SOBP: variants seen among roughly 807,000 people sequenced by gnomAD.
The protein encoded by SOBP is sine oculis binding protein homolog.
SOBP carries 4 observed loss-of-function variants against 53.6 expected under a neutral mutation model. The observed-to-expected ratio is 0.07, with a 90% CI of 0.04 to 0.17. The LOEUF is 0.17. Among genes scored for constraint, SOBP ranks in the 10% least tolerant of loss-of-function variants. SOBP has a pLI of 1.00. For missense variants in SOBP, 1,088 were observed against 1,204.7 expected (o/e 0.90, Z 1.43); for synonymous variants, 584 against 522.6 (o/e 1.12, Z -1.60).
chr6:107,589,506 A>G (rs934167555), intron 5 of SOBP, among the ~76,000 whole-genome samples: 1 of 152,232 alleles, frequency 6.6e-6, no homozygotes, highest in African/African-American at 2.4e-5. Flanking sequence ...AAGTGTGTGT[A>G]ATCAGAAGGC....
At chr6:107,548,538 A>G (rs575296842) in intron 4 of SOBP, among the ~76,000 whole-genome samples, 189 of 152,134 alleles carry the variant, frequency 1.2e-3, no homozygotes, top group Non-Finnish European at 2.0e-3. Flanking sequence ...CACCGCGCCC[A>G]GCCAACCTAT....
intron 5 of SOBP, among the ~76,000 whole-genome samples, chr6:107,632,457 CAT>C (rs1770757942): frequency 6.6e-6 from 1 of 152,158 alleles, no homozygotes; most frequent in Admixed American, 6.5e-5. Context: ...CAAGATCACT[CAT>C]ATTAATTCTT....
rs1484777764 is a variant in SOBP at position 107,635,867 on chromosome 6, T to G, written c.*3+398T>G. Among the ~76,000 whole-genome samples the G allele has an allele frequency of 1.3e-5, 2 of 152,150 alleles. No individual in the cohort carries two copies. Among genetic ancestry groups the G allele is most frequent in the East Asian group, 3.9e-4 (2 of 5,194 alleles). ...GAGATTAACTTGGGACACCTAAATGTGTGATCATGAGGTTGCAGGGCAGTG... is the reference window on the plus strand; with the variant it reads ...GAGATTAACTTGGGACACCTAAATGGGTGATCATGAGGTTGCAGGGCAGTG... On this transcript the variant is annotated intron_variant, in intron 6 of 6. Coordinates refer to ENST00000317357, the MANE Select transcript of SOBP (RefSeq NM_018013.4). The surrounding 1 kb of genome is among the most constrained non-coding windows in gnomAD (Gnocchi z 4.5).
intron 1 of SOBP, among the ~76,000 whole-genome samples, chr6:107,497,936 C>A (rs894876049): frequency 1.3e-5 from 2 of 152,168 alleles, no homozygotes; most frequent in African/African-American, 4.8e-5. Flanking sequence ...ATTACTTTTT[C>A]TAACAGTTGT....
At chr6:107,629,812 A>G (rs1371545222) in intron 5 of SOBP, among the ~76,000 whole-genome samples, 1 of 152,238 alleles carries the variant, frequency 6.6e-6, no homozygotes, top group Non-Finnish European at 1.5e-5. Flanking sequence ...AAATGGACTA[A>G]AGGAAATGTT....
chr6:107,506,573 C>CT (rs34474107), intron 3 of SOBP, 146 bp downstream of exon 3: 63,193 of 839,090 alleles, frequency 0.075, 3,992 homozygotes, highest in African/African-American at 0.21. Flanking sequence ...ACAGGCATCA[C>CT]TTAGAGTATT....
chr6:107,596,490 T>C (rs1216077339), intron 5 of SOBP, among the ~76,000 whole-genome samples: 1 of 152,244 alleles, frequency 6.6e-6, no homozygotes, highest in Non-Finnish European at 1.5e-5. Context: ...GAGGTTGGCC[T>C]CTGGCTATCT....
Position 107,655,799 on chromosome 6 carries a change from G to A in SOBP, c.*4-2408G>A, listed in dbSNP as rs898260556. 9.9e-5 allele frequency among the ~76,000 whole-genome samples: 15 copies of A among 152,280 alleles called. 1 individual carries two copies. Among genetic ancestry groups the A allele is most frequent in the Admixed American group, 7.2e-4 (11 of 15,294 alleles). On this transcript the variant is annotated intron_variant, in intron 6 of 6. Transcript: ENST00000317357. ...CCTGGAAATTTTCTTTAAGTAGGCTGATGCTGTCCGTGTTTGGTCTTTGTC... is the reference window on the plus strand; with the variant it reads ...CCTGGAAATTTTCTTTAAGTAGGCTAATGCTGTCCGTGTTTGGTCTTTGTC...
chr6:107,536,192 G>A (rs926860898), intron 4 of SOBP, among the ~76,000 whole-genome samples: 16 of 152,258 alleles, frequency 1.1e-4, no homozygotes, highest in African/African-American at 2.9e-4. Flanking sequence ...ATGACAGCCC[G>A]CTTCTTGCTG....
chr6:107,582,724 A>G (rs1436936213), intron 4 of SOBP, among the ~76,000 whole-genome samples: 1 of 152,184 alleles, frequency 6.6e-6, no homozygotes, highest in Non-Finnish European at 1.5e-5. Flanking sequence ...AATAACACAC[A>G]AGGAGAGAGT....
chr6:107,564,268 A>G (rs1403615314), intron 4 of SOBP, among the ~76,000 whole-genome samples: 1 of 152,170 alleles, frequency 6.6e-6, no homozygotes, highest in African/African-American at 2.4e-5. Flanking sequence ...GTCTCTCTCA[A>G]GAACTCCTCA....
At chr6:107,637,492 A>G (rs748735622) in intron 6 of SOBP, among the ~76,000 whole-genome samples, 2 of 152,230 alleles carry the variant, frequency 1.3e-5, no homozygotes. Context: ...AGATGGCCTC[A>G]GCCTTCTCAC....
intron 5 of SOBP, among the ~76,000 whole-genome samples, chr6:107,591,400 C>A (rs987965649): frequency 6.6e-6 from 1 of 152,134 alleles, no homozygotes; most frequent in Admixed American, 6.5e-5. Context: ...TAGCAAAGTT[C>A]TTGGAGTACA....
Position 107,506,444 on chromosome 6 carries a change from G to A in SOBP, c.421+17G>A, listed in dbSNP as rs372058028. 24 of 1,613,202 alleles carry A rather than the reference G, an allele frequency of 1.5e-5. No individual in the cohort carries two copies. In the African/African-American group the frequency reaches 2.9e-4, roughly 20 times the overall value. ...CACCAGCAGGTAAGTCACTACTGGT[G>A]TTTTCAGTGATAACAATTCATAGAA... On this transcript the variant is annotated intron_variant, in intron 3 of 6. Transcript: ENST00000317357.
intron 5 of SOBP, among the ~76,000 whole-genome samples, chr6:107,597,444 A>G (rs1159514862): frequency 1.3e-5 from 2 of 152,228 alleles, no homozygotes; most frequent in Non-Finnish European, 2.9e-5. Context: ...TAGCTACCAT[A>G]TAAAATACAA....
intron 4 of SOBP, among the ~76,000 whole-genome samples, chr6:107,550,138 A>T (rs1243918475): frequency 6.6e-6 from 1 of 152,218 alleles, no homozygotes; most frequent in African/African-American, 2.4e-5. Flanking sequence ...GCTAACAGGA[A>T]CAGTTGACCC....
chr6:107,623,315 AG>A (rs1045955400), intron 5 of SOBP, among the ~76,000 whole-genome samples: 12 of 152,346 alleles, frequency 7.9e-5, no homozygotes, highest in Admixed American at 7.2e-4. Flanking sequence ...AAAAGGAGCT[AG>A]TAACGCTATG....
intron 1 of SOBP, among the ~76,000 whole-genome samples, chr6:107,494,567 A>G (rs886158675): frequency 6.6e-6 from 1 of 152,220 alleles, no homozygotes; most frequent in Non-Finnish European, 1.5e-5. Flanking sequence ...AAATTCTTTG[A>G]CAAAACCAGC....
At chr6:107,591,080 C>T (rs1160342381) in intron 5 of SOBP, among the ~76,000 whole-genome samples, 1 of 152,196 alleles carries the variant, frequency 6.6e-6, no homozygotes, top group Non-Finnish European at 1.5e-5. Flanking sequence ...GGACTTTATA[C>T]ACTGTCATCC....
Sources: allele counts gnomAD v4.1 joint callset (sites outside exome capture counted in the v4.1 genomes callset), GRCh38; gene constraint gnomAD v4.1.1; non-coding constraint Gnocchi (gnomAD v3.1); transcripts MANE v1.5; gene names NCBI Gene and HGNC (gene_info 2026-07-23, HGNC 2026-07-21).